CAMK2G: variants seen among roughly 807,000 people sequenced by gnomAD.
The protein encoded by CAMK2G is calcium/calmodulin dependent protein kinase II gamma, also known as calcium/calmodulin-dependent protein kinase type II subunit gamma.
In CAMK2G, 23 loss-of-function variants were observed where a neutral mutation model predicts 88.7. The observed-to-expected ratio is 0.26, with a 90% confidence interval of 0.19 to 0.37. CAMK2G has a LOEUF of 0.37. CAMK2G is among the 10% of genes least tolerant of loss of function. The pLI is 1.00. For missense variants in CAMK2G, 476 were observed against 780.8 expected (o/e 0.61, Z 4.65); for synonymous variants, 263 against 294.8 (o/e 0.89, Z 1.11).
At chr10:73,853,973 G>T (rs931763320) in intron 3 of CAMK2G, among the ~76,000 whole-genome samples, 1 of 152,206 alleles carries the variant, frequency 6.6e-6, no homozygotes, top group African/African-American at 2.4e-5. Flanking sequence ...CACCTGAGAT[G>T]AATGTTATTC....
intron 15 of CAMK2G, 134 bp from the exon 16 acceptor site, chr10:73,825,481 G>A (rs570384332): frequency 2.9e-6 from 2 of 679,014 alleles, no homozygotes; most frequent in East Asian, 5.1e-5. Flanking sequence ...ACGCTGTGTA[G>A]ATGGGAGCGA....
At chr10:73,868,792 C>G (rs112436370) in intron 2 of CAMK2G, among the ~76,000 whole-genome samples, 1,908 of 152,262 alleles carry the variant, frequency 0.013, 38 homozygotes, top group African/African-American at 0.043. Flanking sequence ...CAGGCCAACA[C>G]TAAGGGGGCG....
rs188186577 is a variant in CAMK2G at position 73,842,637 on chromosome 10, A to C, written c.820-96T>G. The C allele has an allele frequency of 5.7e-5, 48 of 841,318 alleles. No homozygotes were observed. In the African/African-American group the frequency reaches 6.8e-4, roughly 12 times the overall value. 52.1% of individuals were successfully genotyped at this position (841,318 alleles called of 1,614,324 possible). A position where few individuals can be genotyped will look rare whatever the true frequency, so the allele number is the denominator to read the frequency against. ...TACCATGCCCAGGACAGGGTCATGC[A>C]CTCAGCCACCCCAGAGTTGCTCTGA... is the stretch of plus-strand genomic sequence containing the variant. On this transcript the variant is annotated intron_variant, in intron 10 of 22. Transcript: ENST00000423381. The surrounding 1 kb of genome is among the most constrained non-coding windows in gnomAD (Gnocchi z 4.6).
chr10:73,822,394 C>T (rs1354257351), intron 17 of CAMK2G, among the ~76,000 whole-genome samples: 1 of 152,202 alleles, frequency 6.6e-6, no homozygotes, highest in African/African-American at 2.4e-5. Context: ...TCTCGAGCTC[C>T]TGACCTTTGC....
At chr10:73,856,499 GC>G (rs1196712918) in intron 3 of CAMK2G, among the ~76,000 whole-genome samples, 1 of 152,236 alleles carries the variant, frequency 6.6e-6, no homozygotes, top group Non-Finnish European at 1.5e-5. Flanking sequence ...AGAGGAGCCG[GC>G]CCTGCCACCT....
intron 1 of CAMK2G, 117 bp downstream of exon 1, chr10:73,874,280 G>T: frequency 1.8e-6 from 1 of 546,738 alleles, no homozygotes; most frequent in Non-Finnish European, 2.7e-6. Context: ...GGAAAGGCGG[G>T]GGTGGGGCGG....
intron 2 of CAMK2G, among the ~76,000 whole-genome samples, chr10:73,867,478 A>G (rs1277752127): frequency 2.6e-5 from 4 of 152,292 alleles, no homozygotes; most frequent in South Asian, 4.1e-4. Context: ...ACCAGCCCCA[A>G]GTAAAACATC....
intron 14 of CAMK2G, among the ~76,000 whole-genome samples, chr10:73,829,133 T>C (rs2091861428): frequency 6.6e-6 from 1 of 152,174 alleles, no homozygotes; most frequent in African/African-American, 2.4e-5. Context: ...CAGCATTCTT[T>C]AGAAGGCATT....
intron 5 of CAMK2G, 35 bp downstream of exon 5, chr10:73,852,219 A>G (rs2094682096): frequency 6.4e-7 from 1 of 1,564,844 alleles, no homozygotes; most frequent in African/African-American, 1.4e-5. Flanking sequence ...CCTAAACTCC[A>G]GAGCTACATT....
chr10:73,843,437 G>A (rs1590632158), intron 10 of CAMK2G, among the ~76,000 whole-genome samples: 1 of 152,194 alleles, frequency 6.6e-6, no homozygotes, highest in East Asian at 1.9e-4. Flanking sequence ...GAGTCCATGG[G>A]ACACAGTCTA....
rs2135933394 is a variant in CAMK2G at position 73,870,214 on chromosome 10, C to A, written c.160+2775G>T. On this transcript the variant is annotated intron_variant, in intron 2 of 22. Coordinates refer to ENST00000423381, the MANE Select transcript of CAMK2G (RefSeq NM_001367534.1). ...TGGCCCACTAGCTCCTGCATCCAAG[C>A]CTATTTTAAATGCCTCCTTCGGCCT... 2.6e-5 allele frequency among the ~76,000 whole-genome samples: 4 copies of A among 152,326 alleles called. No homozygotes were observed. The Middle Eastern group carries it at 0.014, about 518-fold the overall frequency.
intron 9 of CAMK2G, 37 bp downstream of exon 9, chr10:73,847,951 C>T: frequency 8.0e-7 from 1 of 1,249,200 alleles, no homozygotes; most frequent in Non-Finnish European, 1.2e-6. Context: ...GGACATCTGC[C>T]CTTCCTGGCC....
At chr10:73,873,621 G>A (rs1045299410) in intron 1 of CAMK2G, 5 of 693,348 alleles carry the variant, frequency 7.2e-6, no homozygotes, top group Non-Finnish European at 5.3e-6. Flanking sequence ...CTGACAGCAA[G>A]GGAAGAGAGG....
chr10:73,868,636 C>T (rs975943938), intron 2 of CAMK2G, among the ~76,000 whole-genome samples: 2 of 152,184 alleles, frequency 1.3e-5, no homozygotes, highest in Non-Finnish European at 2.9e-5. Flanking sequence ...GCCTGTGTTC[C>T]AGTGCTGTGT....
chr10:73,820,486 A>ATTTT (rs1472342764), intron 18 of CAMK2G, among the ~76,000 whole-genome samples: 3 of 51,880 alleles, frequency 5.8e-5, no homozygotes, highest in African/African-American at 1.2e-4. Context: ...ATATATATAT[A>ATTTT]TATATATTTT....
Position 73,839,617 on chromosome 10 carries a change from CT to C in CAMK2G, c.947-17del, listed in dbSNP as rs1246992091. On this transcript the variant is annotated splice_polypyrimidine_tract_variant and intron_variant, in intron 12 of 22. Transcript: ENST00000423381. This position sits in a 1 kb window ranked among gnomAD's most constrained non-coding sequence, Gnocchi z 4.2. ...TGCCTGCCAACTGAGGGGATACAGT[CT>C]CTCAGTGCACAGAGCCCCGCAAAGC... 2 of 1,227,838 alleles carry C rather than the reference CT, an allele frequency of 1.6e-6. No individual in the cohort carries two copies. Among genetic ancestry groups the C allele is most frequent in the African/African-American group, 3.1e-5 (2 of 64,318 alleles). 76.1% of individuals were successfully genotyped at this position (1,227,838 alleles called of 1,614,324 possible).
At position 73,847,226 on chromosome 10, in the gene CAMK2G, C is replaced by T. The variant is rs765261307; in HGVS notation, c.818G>A (p.Cys273Tyr). ...TTGGCCACTAGCAAAGACACTTACA[C>T]AGACCCACGGGTGCTTGAGAGCCTG... ...ADQALKHPWV[C>Y]QRSTVASMMH... Residue 273 changes from cysteine (C) to tyrosine (Y), a missense_variant and splice_region_variant, in exon 10 of 23, where the codon TGT becomes TAT. Transcript: ENST00000423381. 7 of 1,614,202 alleles carry T rather than the reference C, an allele frequency of 4.3e-6. No individual in the cohort carries two copies. The highest frequency in any genetic ancestry group is 5.9e-6 in the Non-Finnish European group (7 of 1,180,020).
chr10:73,845,164 A>C (rs1243717008), intron 10 of CAMK2G, among the ~76,000 whole-genome samples: 4 of 152,180 alleles, frequency 2.6e-5, no homozygotes, highest in Non-Finnish European at 4.4e-5. Context: ...TACCAACTAC[A>C]CAGAAATGAC....
intron 1 of CAMK2G, 24 bp downstream of exon 1, chr10:73,874,373 G>C (rs775580635): frequency 6.8e-7 from 1 of 1,466,176 alleles, no homozygotes; most frequent in South Asian, 1.3e-5. Flanking sequence ...GGGCAGGCAG[G>C]GGACCGCGGC....
Sources: gnomAD v4.1 joint callset for allele counts (sites outside exome capture counted in the v4.1 genomes callset) on GRCh38, gnomAD v4.1.1 for gene constraint, Gnocchi (gnomAD v3.1) non-coding constraint, MANE v1.5 for transcripts, NCBI Gene and HGNC (gene_info 2026-07-23, HGNC 2026-07-21) for gene names.